Variants in CTNNA3 observed in about 807,000 individuals in gnomAD.
CTNNA3 encodes catenin alpha-3.
A neutral mutation model predicts 95.7 loss-of-function variants in CTNNA3; 76 were observed. The ratio of observed to expected loss-of-function variants is 0.79; its 90% CI spans 0.66 to 0.96. The LOEUF is 0.96. Among genes scored for constraint, CTNNA3 ranks in the 40% least tolerant of loss-of-function variants. The probability of loss-of-function intolerance (pLI) is 0.00; values close to 1 mark genes in which losing one functional copy is unlikely to be tolerated. For missense variants in CTNNA3, 1,191 were observed against 1,089.8 expected (o/e 1.09, Z -1.31); for synonymous variants, 431 against 374.4 (o/e 1.15, Z -1.74).
chr10:67,581,392 A>C (rs911234272), intron 3 of CTNNA3, among the ~76,000 whole-genome samples: 4 of 152,212 alleles, frequency 2.6e-5, no homozygotes, highest in South Asian at 2.1e-4. Context: ...ACCAGCCTTG[A>C]ATCCCAGGGA....
chr10:66,321,096 G>A (rs1447199447), intron 12 of CTNNA3, among the ~76,000 whole-genome samples: 2 of 152,018 alleles, frequency 1.3e-5, no homozygotes, highest in Non-Finnish European at 2.9e-5. Context: ...CATAGATTAT[G>A]ATATGAATAG....
intron 5 of CTNNA3, among the ~76,000 whole-genome samples, chr10:67,370,983 C>A (rs985136008): frequency 6.7e-6 from 1 of 149,280 alleles, no homozygotes; most frequent in Non-Finnish European, 1.5e-5. Context: ...TCTCCTGCCT[C>A]AGCCTCCCAA....
chr10:66,214,951 A>G (rs1047071779), intron 13 of CTNNA3, among the ~76,000 whole-genome samples: 1 of 152,162 alleles, frequency 6.6e-6, no homozygotes, highest in Admixed American at 6.6e-5. Flanking sequence ...GGAAAAAAAG[A>G]CACTCACTGA....
chr10:66,851,869 C>T (rs1285939106), intron 7 of CTNNA3, among the ~76,000 whole-genome samples: 1 of 152,104 alleles, frequency 6.6e-6, no homozygotes, highest in Non-Finnish European at 1.5e-5. Context: ...TACTAATACA[C>T]CAATTAATGA....
intron 15 of CTNNA3, among the ~76,000 whole-genome samples, chr10:66,007,012 G>C (rs530871776): frequency 1.3e-5 from 2 of 152,004 alleles, no homozygotes; most frequent in South Asian, 4.1e-4. Flanking sequence ...CTGATCTTTG[G>C]CATGCCCCCC....
chr10:66,736,484 C>T (rs35437790), intron 9 of CTNNA3, among the ~76,000 whole-genome samples: 16,313 of 151,836 alleles, frequency 0.11, 1,339 homozygotes, highest in East Asian at 0.43. Flanking sequence ...TGATCTGCCG[C>T]ACCCAGGCAA....
At chr10:67,505,579 G>T (rs982996850) in intron 5 of CTNNA3, among the ~76,000 whole-genome samples, 6 of 152,082 alleles carry the variant, frequency 3.9e-5, no homozygotes, top group Non-Finnish European at 8.8e-5. Context: ...AAACAGTAAG[G>T]TTAAAACAAA....
At chr10:66,798,141 G>T (rs1841284846) in intron 7 of CTNNA3, among the ~76,000 whole-genome samples, 1 of 151,742 alleles carries the variant, frequency 6.6e-6, no homozygotes, top group Non-Finnish European at 1.5e-5. Flanking sequence ...TGAAGATTTA[G>T]ATGAAATTCA....
At chr10:67,057,757 T>C (rs975419105) in intron 7 of CTNNA3, among the ~76,000 whole-genome samples, 2 of 152,052 alleles carry the variant, frequency 1.3e-5, no homozygotes, top group South Asian at 4.1e-4. Context: ...CTTCACTCTC[T>C]CTCCCACTCT....
At chr10:66,813,156 T>C (rs1047903878) in intron 7 of CTNNA3, among the ~76,000 whole-genome samples, 1 of 152,204 alleles carries the variant, frequency 6.6e-6, no homozygotes, top group Admixed American at 6.5e-5. Context: ...TTTTGGAATA[T>C]TCAATTTGCT....
chr10:66,351,281 T>C (rs1445502235), intron 12 of CTNNA3, among the ~76,000 whole-genome samples: 1 of 152,042 alleles, frequency 6.6e-6, no homozygotes, highest in Non-Finnish European at 1.5e-5. Flanking sequence ...ATTCAATATG[T>C]AGAAGGTTAT....
chr10:67,443,772 T>C lies in CTNNA3; in HGVS notation c.579+78070A>G, dbSNP rs374185904. Among the ~76,000 whole-genome samples the C allele has an allele frequency of 8.5e-3, 1,299 of 152,252 alleles. 27 individuals are homozygous for C. Among genetic ancestry groups the C allele is most frequent in the East Asian group, 0.072 (371 of 5,160 alleles). The stretch of plus-strand genomic sequence containing the variant: ...GCCTGTTCACTCTGATGGTAGTTTC[T>C]TTTGCTGTGCAGGAGCTCTTTAGTT... On this transcript the variant is annotated intron_variant, in intron 5 of 17. Coordinates refer to ENST00000433211, the MANE Select transcript of CTNNA3 (RefSeq NM_013266.4).
intron 7 of CTNNA3, among the ~76,000 whole-genome samples, chr10:66,777,593 C>A (rs1203341500): frequency 1.3e-5 from 2 of 152,048 alleles, no homozygotes; most frequent in Non-Finnish European, 2.9e-5. Flanking sequence ...AGGACAATGG[C>A]ATAAACAGAT....
intron 9 of CTNNA3, among the ~76,000 whole-genome samples, chr10:66,640,518 C>T (rs1461335586): frequency 6.6e-6 from 1 of 152,116 alleles, no homozygotes; most frequent in African/African-American, 2.4e-5. Flanking sequence ...CTGCTTCTAC[C>T]CAATTCTACC....
In CTNNA3 at chr10:66,315,070, G is replaced by C. The variant is rs539945912; in HGVS notation, c.1733-34449C>G. On this transcript the variant is annotated intron_variant, in intron 12 of 17. Coordinates refer to ENST00000433211, the MANE Select transcript of CTNNA3 (RefSeq NM_013266.4). ...AGGAGGCAAAGGTTACATTTTTCAA[G>C]GGTAATAGTACACCGTGGTTCTTTC... Among the ~76,000 whole-genome samples, 3 of 152,190 alleles carry C rather than the reference G, an allele frequency of 2.0e-5. No homozygotes were observed. In the East Asian group the frequency reaches 5.8e-4, roughly 29 times the overall value.
At chr10:67,549,844 AT>A (rs1223573241) in intron 3 of CTNNA3, among the ~76,000 whole-genome samples, 2 of 152,192 alleles carry the variant, frequency 1.3e-5, no homozygotes, top group African/African-American at 4.8e-5. Flanking sequence ...TTCTATAGCT[AT>A]TTTCATTCTT....
chr10:66,745,879 G>A (rs572701171), intron 9 of CTNNA3, among the ~76,000 whole-genome samples: 101 of 151,848 alleles, frequency 6.7e-4, no homozygotes, highest in Non-Finnish European at 1.3e-3. Context: ...GATTACAGGC[G>A]TGAGCCACAG....
chr10:66,566,136 T>C (rs528782484), intron 10 of CTNNA3, among the ~76,000 whole-genome samples: 8 of 152,246 alleles, frequency 5.3e-5, no homozygotes, highest in Admixed American at 4.6e-4. Context: ...GGCTGCAATG[T>C]GGAGGACTGG....
intron 7 of CTNNA3, among the ~76,000 whole-genome samples, chr10:66,928,684 T>G (rs1847211692): frequency 6.6e-6 from 1 of 152,200 alleles, no homozygotes; most frequent in Non-Finnish European, 1.5e-5. Flanking sequence ...ATGTGAAGCT[T>G]GAACTCCGGT....
Sources: allele counts gnomAD v4.1 joint callset (sites outside exome capture counted in the v4.1 genomes callset), GRCh38; gene constraint gnomAD v4.1.1; transcripts MANE v1.5; gene names NCBI Gene and HGNC (gene_info 2026-07-23, HGNC 2026-07-21).